Variants in NBPF9 observed in about 807,000 individuals in gnomAD.
NBPF9 encodes the protein NBPF member 9, also known as NBPF family member NBPF9.
Under a neutral mutation model 97.8 loss-of-function variants are expected in NBPF9, and 91 were observed. The ratio of observed to expected loss-of-function variants is 0.93; its 90% CI spans 0.79 to 1.11. The LOEUF (loss-of-function observed/expected upper bound fraction) is 1.11, where lower values mean the gene tolerates loss of function less well. Among genes scored for constraint, NBPF9 ranks in the 50% least tolerant of loss-of-function variants. NBPF9 has a pLI of 0.00. For missense variants in NBPF9, 992 were observed against 939.5 expected (o/e 1.06, Z -0.73); for synonymous variants, 334 against 359.5 (o/e 0.93, Z 0.80).
chr1:149,087,033 G>A (rs373016728), intron 5 of NBPF9, among the ~76,000 whole-genome samples: 8,764 of 151,466 alleles, frequency 0.058, 588 homozygotes, highest in East Asian at 0.45. Context: ...CTCACCAACA[G>A]GTGCTATTTT....
intron 24 of NBPF9, 153 bp from the exon 25 acceptor site, chr1:149,059,961 T>C (rs1284532080): frequency 0.18 from 73,520 of 416,062 alleles, 23,138 homozygotes; most frequent in Admixed American, 0.33. Context: ...GAAGGCTGGT[T>C]ATGATAGAAA....
At chr1:149,071,823 C>T (rs1341844051) in intron 14 of NBPF9, 147 bp from the exon 15 acceptor site, 1 of 635,152 alleles carries the variant, frequency 1.6e-6, no homozygotes, top group East Asian at 2.9e-5. Context: ...ACAGAATGCC[C>T]TGGCATGGTT....
chr1:149,084,519 C>A, intron 5 of NBPF9, among the ~76,000 whole-genome samples: 1 of 147,814 alleles, frequency 6.8e-6, no homozygotes, highest in Non-Finnish European at 1.5e-5. Flanking sequence ...GCACCTGCAT[C>A]GAGCTCTCCG....
intron 5 of NBPF9, among the ~76,000 whole-genome samples, chr1:149,084,243 A>G (rs71239394): frequency 0.052 from 7,564 of 145,182 alleles, 686 homozygotes; most frequent in East Asian, 0.47. Flanking sequence ...TGGCACACGT[A>G]TATATATATA....
chr1:149,100,881 C>G (rs868944585), intron 3 of NBPF9, among the ~76,000 whole-genome samples: 1 of 151,136 alleles, frequency 6.6e-6, no homozygotes, highest in Admixed American at 6.6e-5. Context: ...TTGCAGTGAG[C>G]TGAGATCCTG....
At chr1:149,098,140 A>G (rs1158603919) in intron 4 of NBPF9, among the ~76,000 whole-genome samples, 4 of 151,586 alleles carry the variant, frequency 2.6e-5, no homozygotes, top group Non-Finnish European at 5.9e-5. Flanking sequence ...AATGGGGGGT[A>G]AGAGGGGAAG....
chr1:149,069,214 TA>T (rs1404480350), intron 17 of NBPF9, among the ~76,000 whole-genome samples: 5 of 148,606 alleles, frequency 3.4e-5, no homozygotes, highest in Non-Finnish European at 7.4e-5. Flanking sequence ...TTAAAATAAC[TA>T]GAGAAGCAAA....
chr1:149,072,934 T>C lies in NBPF9; in HGVS notation c.1092-2A>G. On this transcript the variant is annotated splice_acceptor_variant, in intron 13 of 29. Transcript: ENST00000584027. LOFTEE classifies it high-confidence loss of function. ...GCGTGAACCAGGACTTTATATTGCC[T>C]AAGGTGAGATGGTAGAGAAAAATTA... is the stretch of plus-strand genomic sequence containing the variant. 8 of 1,606,486 alleles carry C rather than the reference T, an allele frequency of 5.0e-6. No individual in the cohort carries two copies. Among genetic ancestry groups the C allele is most frequent in the African/African-American group, 1.3e-5 (1 of 74,810 alleles).
In NBPF9 at chr1:149,062,754, A is replaced by T. The variant is rs1370349219; in HGVS notation, c.2078+108T>A. On this transcript the variant is annotated intron_variant, in intron 21 of 29. Transcript: ENST00000584027. Reference sequence around the variant, plus strand: ...ACCAACAGCAATGGCAGTAGGAGTAATTCAACCTCCGTTGAAAACATGAAA... The same window carrying T: ...ACCAACAGCAATGGCAGTAGGAGTATTTCAACCTCCGTTGAAAACATGAAA... 5.2e-6 allele frequency: 4 copies of T among 773,738 alleles called. No individual in the cohort carries two copies. The African/African-American group carries it at 6.8e-5, about 13-fold the overall frequency. 47.9% of individuals were successfully genotyped at this position (773,738 alleles called of 1,614,324 possible).
At chr1:149,093,503 GA>G (rs1326565445) in intron 4 of NBPF9, among the ~76,000 whole-genome samples, 3 of 150,070 alleles carry the variant, frequency 2.0e-5, no homozygotes, top group South Asian at 2.1e-4. Flanking sequence ...CACATGGGGA[GA>G]AACCTTGGAC....
chr1:149,055,555 T>A (rs1285401479), exon 30 of NBPF9: 2 of 1,565,674 alleles, frequency 1.3e-6, no homozygotes, highest in Non-Finnish European at 1.7e-6. Context: ...TGACCCATCC[T>A]ATGTCTGGGC....
intron 7 of NBPF9, among the ~76,000 whole-genome samples, 183 bp from the exon 8 acceptor site, chr1:149,080,338 A>G (rs1156460940): frequency 2.6e-4 from 39 of 150,632 alleles, no homozygotes; most frequent in African/African-American, 8.6e-4. Context: ...ATCCTCCAAA[A>G]TTTAAAGACG....
chr1:149,070,976 A>G (rs1186958240), exon 16 of NBPF9: 2 of 1,612,456 alleles, frequency 1.2e-6, no homozygotes, highest in African/African-American at 1.3e-5. Context: ...ACATGAGAGG[A>G]TGAGCCAATG....
chr1:149,079,975 T>A, intron 8 of NBPF9, 78 bp downstream of exon 8: 1 of 1,292,856 alleles, frequency 7.7e-7, no homozygotes, highest in Non-Finnish European at 1.1e-6. Flanking sequence ...GCTTCGTTCT[T>A]ATTTCTCCCC....
Position 149,075,830 on chromosome 1 carries a change from G to GCTGA in NBPF9, c.809_812dup (p.Met272GlnfsTer23), listed in dbSNP as rs782573155. 2.0e-6 allele frequency: 3 copies of GCTGA among 1,513,728 alleles called. No individual in the cohort carries two copies. The South Asian group carries it at 3.4e-5, about 17-fold the overall frequency. The allele number at this position is 1,513,728 out of a possible 1,614,324, so 93.8% of individuals were successfully genotyped here. A position where few individuals can be genotyped will look rare whatever the true frequency, so the allele number is the denominator to read the frequency against. ...ACAAAGGGCCGGCTGATACCACCAT[G>GCTGA]CTGACGTTTGTGGCAGAAGAGGTGG... On this transcript the variant is annotated frameshift_variant, in exon 12 of 30. Transcript: ENST00000584027. LOFTEE classifies it high-confidence loss of function.
chr1:149,060,909 A>C lies in NBPF9; in HGVS notation c.2304-214T>G, dbSNP rs1194482116. The C allele has an allele frequency of 5.0e-6, 2 of 401,234 alleles. 1 individual carries two copies. The highest frequency in any genetic ancestry group is 6.5e-5 in the African/African-American group (2 of 30,886). 24.9% of individuals were successfully genotyped at this position (401,234 alleles called of 1,614,324 possible). On this transcript the variant is annotated intron_variant, in intron 23 of 29. Transcript: ENST00000584027. ...GACAGATAGACACACACACACACAC[A>C]CACACACACACACACAAACACACAC...
At chr1:149,076,465 G>T (rs1553654378) in intron 11 of NBPF9, among the ~76,000 whole-genome samples, 1 of 148,858 alleles carries the variant, frequency 6.7e-6, no homozygotes, top group East Asian at 2.0e-4. Flanking sequence ...CCAAAGTGTT[G>T]GGATTAAGAT....
intron 5 of NBPF9, among the ~76,000 whole-genome samples, chr1:149,084,853 G>A (rs1184116426): frequency 2.7e-5 from 4 of 149,698 alleles, no homozygotes; most frequent in South Asian, 2.2e-4. Flanking sequence ...AATTGACCAC[G>A]GATCTTTGTA....
intron 4 of NBPF9, among the ~76,000 whole-genome samples, chr1:149,095,623 CAAAAAAA>C (rs373341524): frequency 4.0e-5 from 4 of 101,236 alleles, no homozygotes; most frequent in African/African-American, 1.1e-4. Flanking sequence ...CAACACAAAG[CAAAAAAA>C]AAAAAAAAAA....
Sources: allele counts gnomAD v4.1 joint callset (sites outside exome capture counted in the v4.1 genomes callset), GRCh38; gene constraint gnomAD v4.1.1; transcripts MANE v1.5; gene names NCBI Gene and HGNC (gene_info 2026-07-23, HGNC 2026-07-21).